The following UBXN2A variants were observed in gnomAD, a reference collection of about 807,000 sequenced individuals.
UBXN2A encodes the protein UBX domain protein 2A.
UBXN2A carries 28 observed loss-of-function variants against 28.4 expected under a neutral mutation model. That is an observed-to-expected ratio of 0.99 (90% CI 0.73 to 1.35). The LOEUF is 1.35. Among genes scored for constraint, UBXN2A ranks in the 40% most tolerant of loss-of-function variants. The pLI, the probability that UBXN2A is intolerant of heterozygous loss-of-function variation, is 0.00. For missense variants in UBXN2A, 253 were observed against 297.9 expected, an observed-to-expected ratio of 0.85 and a Z score of 1.11; for synonymous variants, 97 against 103.6, an observed-to-expected ratio of 0.94 and a Z score of 0.39.
rs766386641 is a variant in UBXN2A at position 23,977,007 on chromosome 2, C to A, written c.219C>A (p.Thr73=). 2 of 1,612,200 alleles carry A rather than the reference C, an allele frequency of 1.2e-6. No homozygotes were observed. Among genetic ancestry groups the A allele is most frequent in the Non-Finnish European group, 8.5e-7 (1 of 1,178,604 alleles). The change falls in exon 4 of 7, where the codon ACC becomes ACA. Residue 73 remains threonine, a synonymous_variant. Transcript: ENST00000309033. ...VNIKLWKNGF[T]VNDDFRSYSD... The stretch of plus-strand genomic sequence containing the variant: ...TAAAATTATGGAAAAACGGATTCAC[C>A]GTCAACGACGATTTCAGAAGTTATT...
At position 24,004,654 on chromosome 2, in the gene UBXN2A, A is replaced by C. The variant is rs1039285725; in HGVS notation, c.*4787A>C. The stretch of plus-strand genomic sequence containing the variant: ...GGGCAACAGAGCGAGACTCCGTCTC[A>C]AAAAAAAGAAAAAAAGAAATACATA... On this transcript the variant is annotated 3_prime_UTR_variant, in exon 7 of 7. Transcript: ENST00000309033. 13 of 152,052 alleles carry C rather than the reference A, an allele frequency of 8.5e-5. No individual in the cohort carries two copies. Among genetic ancestry groups the C allele is most frequent in the Admixed American group, 1.3e-4 (2 of 15,266 alleles). The allele number at this position is 152,052 out of a possible 1,614,324, so 9.4% of individuals were successfully genotyped here.
intron 2 of UBXN2A, among the ~76,000 whole-genome samples, chr2:23,964,134 CAAAA>C (rs70944703): frequency 8.1e-6 from 1 of 124,132 alleles, no homozygotes; most frequent in Non-Finnish European, 1.7e-5. Context: ...GATCCTGTCT[CAAAA>C]AAAAAAAAAA....
chr2:23,986,770 G>C (rs1352657715), intron 6 of UBXN2A, among the ~76,000 whole-genome samples: 3 of 151,956 alleles, frequency 2.0e-5, no homozygotes, highest in Non-Finnish European at 4.4e-5. Context: ...ACCATGCCTG[G>C]CTAATTTTTG....
chr2:23,934,694 G>A (rs947246660), intron 1 of UBXN2A, among the ~76,000 whole-genome samples: 1 of 152,086 alleles, frequency 6.6e-6, no homozygotes. Context: ...TAACTAAAAA[G>A]TCAACACAGA....
At chr2:23,965,581 G>T (rs72798416) in intron 2 of UBXN2A, among the ~76,000 whole-genome samples, 3 of 152,222 alleles carry the variant, frequency 2.0e-5, no homozygotes, top group Non-Finnish European at 4.4e-5. Context: ...CACGGTTGTG[G>T]TGTTTACTTT....
intron 2 of UBXN2A, among the ~76,000 whole-genome samples, chr2:23,966,476 A>G (rs1318632165): frequency 6.8e-5 from 9 of 132,496 alleles, no homozygotes; most frequent in Non-Finnish European, 1.1e-4. Context: ...TTTTTGAGAC[A>G]GAGTCTCGCT....
Position 23,982,952 on chromosome 2 carries a change from T to C in UBXN2A, c.344T>C (p.Val115Ala). 1.9e-6 allele frequency: 3 copies of C among 1,611,616 alleles called. No homozygotes were observed. The East Asian group carries it at 6.7e-5, about 36-fold the overall frequency. ...IFDKEEVDVKVEDKKNEICLS... is the reference protein window; with the variant it reads ...IFDKEEVDVKAEDKKNEICLS... ...GATAAAGAAGAGGTGGACGTTAAAG[T>C]TGAAGACAAGAAAAATGAAATATGT... Residue 115 changes from valine (V) to alanine (A), a missense_variant, in exon 5 of 7, where the codon GTT (valine) becomes GCT (alanine). By Grantham distance (64) the Val-to-Ala change is moderately conservative (BLOSUM62 0). Coordinates refer to ENST00000309033, the MANE Select transcript of UBXN2A (RefSeq NM_181713.4).
chr2:23,952,768 G>A (rs1359651999), intron 1 of UBXN2A, among the ~76,000 whole-genome samples: 1 of 152,068 alleles, frequency 6.6e-6, no homozygotes, highest in African/African-American at 2.4e-5. Context: ...TTGTAGAGAT[G>A]GGGTCTGGCT....
In UBXN2A at chr2:24,000,464, C is replaced by T. The variant is rs1708697961; in HGVS notation, c.*597C>T. The T allele has an allele frequency of 6.6e-6, 1 of 152,292 alleles. No individual in the cohort carries two copies. Among genetic ancestry groups the T allele is most frequent in the Non-Finnish European group, 1.5e-5 (1 of 68,140 alleles). The allele number at this position is 152,292 out of a possible 1,614,324, so 9.4% of individuals were successfully genotyped here. ...GGCTGAGGCAGGAGAATCTCTTGAA[C>T]CTGGCAAGTGTAGGTTGCAGTGAGC... is the stretch of plus-strand genomic sequence containing the variant. On this transcript the variant is annotated 3_prime_UTR_variant, in exon 7 of 7. Coordinates refer to ENST00000309033, the MANE Select transcript of UBXN2A (RefSeq NM_181713.4).
rs1705936853 is a variant in UBXN2A, at chr2:23,944,415, C to T, written c.-15+3767C>T. 3 of 1,107,556 alleles carry T rather than the reference C, an allele frequency of 2.7e-6. No individual in the cohort carries two copies. The East Asian group carries it at 7.7e-5, about 28-fold the overall frequency. The allele number at this position is 1,107,556 out of a possible 1,614,324, so 68.6% of individuals were successfully genotyped here. Reference sequence around the variant, plus strand: ...TGTATTCACCCATCTTTCAGTTTGTCAGTCTTATCTCCACCCTGGGAAAAG... The same window carrying T: ...TGTATTCACCCATCTTTCAGTTTGTTAGTCTTATCTCCACCCTGGGAAAAG... On this transcript the variant is annotated intron_variant, in intron 1 of 6. Coordinates refer to ENST00000309033, the MANE Select transcript of UBXN2A (RefSeq NM_181713.4).
rs1379712768 is a variant in UBXN2A, at chr2:24,004,054, C to T, written c.*4187C>T. The T allele has an allele frequency of 6.6e-6, 1 of 152,180 alleles. No individual in the cohort carries two copies. The highest frequency in any genetic ancestry group is 2.4e-5 in the African/African-American group (1 of 41,450). The allele number at this position is 152,180 out of a possible 1,614,324, so 9.4% of individuals were successfully genotyped here. A position where few individuals can be genotyped will look rare whatever the true frequency, so the allele number is the denominator to read the frequency against. ...CCAGTAAGGGTCCTATGGAGAAAGA[C>T]CTGTTGTCATCAATAACCTTCATTA... On this transcript the variant is annotated 3_prime_UTR_variant, in exon 7 of 7. Coordinates refer to ENST00000309033, the MANE Select transcript of UBXN2A (RefSeq NM_181713.4).
At chr2:23,975,487 G>A (rs1421333153) in intron 3 of UBXN2A, among the ~76,000 whole-genome samples, 7 of 152,110 alleles carry the variant, frequency 4.6e-5, no homozygotes, top group African/African-American at 9.7e-5. Flanking sequence ...ATTTTTTGAC[G>A]TGAGACATTT....
At chr2:23,991,031 C>T (rs1708333782) in intron 6 of UBXN2A, among the ~76,000 whole-genome samples, 1 of 152,178 alleles carries the variant, frequency 6.6e-6, no homozygotes, top group Non-Finnish European at 1.5e-5. Context: ...CCACAACTCC[C>T]AGCATTTCTG....
intron 6 of UBXN2A, among the ~76,000 whole-genome samples, chr2:23,994,732 A>G (rs1708468262): frequency 6.6e-6 from 1 of 152,246 alleles, no homozygotes; most frequent in South Asian, 2.1e-4. Context: ...TGGTCATTAG[A>G]CCTTGTTTAT....
chr2:23,974,945 C>T (rs187376354), intron 3 of UBXN2A, among the ~76,000 whole-genome samples: 35 of 151,326 alleles, frequency 2.3e-4, no homozygotes, highest in African/African-American at 8.5e-4. Context: ...TGCCACTGCA[C>T]TCTAGCCTGG....
chr2:23,958,235 A>T (rs901231898), intron 1 of UBXN2A, 66 bp from the exon 2 acceptor site: 1 of 1,333,452 alleles, frequency 7.5e-7, no homozygotes, highest in Non-Finnish European at 1.0e-6. Flanking sequence ...TTAGGACTAC[A>T]TGGTAACTTA....
intron 1 of UBXN2A, among the ~76,000 whole-genome samples, chr2:23,949,116 CTTTTTTT>C (rs1223944833): frequency 1.6e-5 from 2 of 127,060 alleles, no homozygotes; most frequent in African/African-American, 5.8e-5. Context: ...ATTTTTTTTT[CTTTTTTT>C]TTTTTTTTTT....
intron 1 of UBXN2A, among the ~76,000 whole-genome samples, chr2:23,941,796 G>A (rs979176359): frequency 1.3e-5 from 2 of 152,150 alleles, no homozygotes; most frequent in African/African-American, 2.4e-5. Flanking sequence ...ATCAGGGCCC[G>A]GAGCGATGGC....
intron 4 of UBXN2A, among the ~76,000 whole-genome samples, chr2:23,982,206 A>C (rs1450065032): frequency 6.8e-6 from 1 of 147,668 alleles, no homozygotes; most frequent in East Asian, 2.0e-4. Flanking sequence ...AAAAATACCA[A>C]AAAAAAAAAA....
Sources: allele counts gnomAD v4.1 joint callset (sites outside exome capture counted in the v4.1 genomes callset), GRCh38; gene constraint gnomAD v4.1.1; transcripts MANE v1.5; gene names NCBI Gene and HGNC (gene_info 2026-07-23, HGNC 2026-07-21).